The following ESPNL variants were observed in gnomAD, a reference collection of about 807,000 sequenced individuals.
ESPNL encodes espin like.
Under a neutral mutation model 46.8 loss-of-function variants are expected in ESPNL, and 49 were observed. That is an observed-to-expected ratio of 1.05 (90% CI 0.83 to 1.33). ESPNL has a LOEUF of 1.33. Among genes scored for constraint, ESPNL ranks in the 40% most tolerant of loss-of-function variants. The pLI is 0.00. For synonymous variants in ESPNL, 664 were observed against 662.1 expected (o/e 1.00, Z -0.04); for missense variants, 1,540 against 1,436.6 (o/e 1.07, Z -1.16).
chr2:238,118,100 T>G (rs1691856814), intron 5 of ESPNL, among the ~76,000 whole-genome samples: 1 of 80,842 alleles, frequency 1.2e-5, no homozygotes, highest in Non-Finnish European at 2.4e-5. Context: ...GGAGGGTGGA[T>G]GGAGGAGTTG....
At chr2:238,120,594 G>A (rs1013402805) in intron 5 of ESPNL, among the ~76,000 whole-genome samples, 4 of 152,262 alleles carry the variant, frequency 2.6e-5, no homozygotes, top group Non-Finnish European at 4.4e-5. Flanking sequence ...CCCCCTGCCC[G>A]GCGCATGAAA....
At chr2:238,119,368 C>T (rs1312677390) in intron 5 of ESPNL, among the ~76,000 whole-genome samples, 4 of 66,800 alleles carry the variant, frequency 6.0e-5, no homozygotes, top group Non-Finnish European at 1.1e-4. Context: ...GGATGAAGGA[C>T]GTGGATGAAG....
chr2:238,126,768 CTG>C (rs1010304024), intron 6 of ESPNL, among the ~76,000 whole-genome samples: 4 of 147,456 alleles, frequency 2.7e-5, no homozygotes, highest in African/African-American at 7.6e-5. Flanking sequence ...GTCTGTGTAT[CTG>C]TGTGTGATTC....
intron 4 of ESPNL, 75 bp downstream of exon 4, chr2:238,108,048 C>T: frequency 7.3e-7 from 1 of 1,368,176 alleles, no homozygotes; most frequent in Non-Finnish European, 1.0e-6. Flanking sequence ...CACTGACCCT[C>T]ACAGCAACCC....
intron 5 of ESPNL, among the ~76,000 whole-genome samples, chr2:238,118,692 G>A (rs1166171822): frequency 7.0e-6 from 1 of 143,664 alleles, no homozygotes; most frequent in African/African-American, 2.6e-5. Flanking sequence ...GATGGAGGAG[G>A]GTGGATAGAG....
In ESPNL at chr2:238,127,328, G is replaced by C. The variant is rs557273579; in HGVS notation, c.1103-294G>C. On this transcript the variant is annotated intron_variant, in intron 6 of 8. Coordinates refer to ENST00000343063, the MANE Select transcript of ESPNL (RefSeq NM_194312.4). ...CTTTGGGGCCTGCAGAGCTGCGTTA[G>C]GGGCGGCCTCAAGCCCTTCCCAGCT... 1.7e-5 allele frequency: 21 copies of C among 1,219,894 alleles called. No homozygotes were observed. In the East Asian group the frequency reaches 7.6e-4, roughly 44 times the overall value. The allele number at this position is 1,219,894 out of a possible 1,614,324, so 75.6% of individuals were successfully genotyped here.
At chr2:238,106,066 C>G (rs1691591263) in intron 3 of ESPNL, among the ~76,000 whole-genome samples, 1 of 152,238 alleles carries the variant, frequency 6.6e-6, no homozygotes, top group Non-Finnish European at 1.5e-5. Context: ...GCTTTCCTCC[C>G]CACCGGCGCA....
In ESPNL at chr2:238,119,470, A is replaced by AAGGAGT; in HGVS notation, c.987+2436_987+2437insAGGAGT. On this transcript the variant is annotated intron_variant, in intron 5 of 8. Coordinates refer to ENST00000343063, the MANE Select transcript of ESPNL (RefSeq NM_194312.4). ...GGAGAGGAGGTTAGATGAAGGAGGA[A>AAGGAGT]TGGATGGAGGAGGTGGATGGAGGAG... 2.6e-5 allele frequency among the ~76,000 whole-genome samples: 2 copies of AAGGAGT among 76,740 alleles called. 1 individual carries two copies. The highest frequency in any genetic ancestry group is 1.2e-4 in the African/African-American group (2 of 17,342). 50.3% of individuals were successfully genotyped at this position (76,740 alleles called of 152,430 possible).
At chr2:238,120,720 C>T (rs1867890) in intron 5 of ESPNL, among the ~76,000 whole-genome samples, 40,591 of 152,184 alleles carry the variant, frequency 0.27, 6,036 homozygotes, top group African/African-American at 0.4. Context: ...GGTCTGGTGA[C>T]GGCAGGGGGT....
At chr2:238,111,839 G>A (rs1199069115) in intron 4 of ESPNL, among the ~76,000 whole-genome samples, 2 of 152,118 alleles carry the variant, frequency 1.3e-5, no homozygotes, top group East Asian at 3.9e-4. Context: ...ACTTTAAAAT[G>A]TTACACCAAC....
intron 6 of ESPNL, among the ~76,000 whole-genome samples, chr2:238,127,095 TCTG>T (rs1692153067): frequency 1.0e-5 from 1 of 98,000 alleles, no homozygotes; most frequent in African/African-American, 6.3e-5. Context: ...TATGATTGTG[TCTG>T]TGTCTGTATG....
rs1691831227 is a variant in ESPNL, at chr2:238,116,990, G to A, written c.943G>A (p.Gly315Arg). 1.2e-6 allele frequency: 2 copies of A among 1,612,412 alleles called. No homozygotes were observed. The highest frequency in any genetic ancestry group is 8.5e-7 in the Non-Finnish European group (1 of 1,179,712). ...YTAADLAEYH[G>R]HRDCAQYLRE... Reference sequence around the variant, plus strand: ...GGCGGCAGACCTGGCGGAGTACCATGGACACCGGGACTGCGCCCAGTACCT... The same window carrying A: ...GGCGGCAGACCTGGCGGAGTACCATAGACACCGGGACTGCGCCCAGTACCT... Residue 315 changes from glycine (G) to arginine (R), a missense_variant, in exon 5 of 9, where the codon GGA (glycine) becomes AGA (arginine). Coordinates refer to ENST00000343063, the MANE Select transcript of ESPNL (RefSeq NM_194312.4).
intron 6 of ESPNL, among the ~76,000 whole-genome samples, chr2:238,126,316 G>C (rs1328432878): frequency 6.6e-6 from 1 of 151,386 alleles, no homozygotes; most frequent in Non-Finnish European, 1.5e-5. Flanking sequence ...GTATCTGTGT[G>C]TGATTGTGTC....
At position 238,133,133 on chromosome 2, in the gene ESPNL, G is replaced by C. The variant is rs1041086711; in HGVS notation, c.*1401G>C. On this transcript the variant is annotated 3_prime_UTR_variant, in exon 9 of 9. Coordinates refer to ENST00000343063, the MANE Select transcript of ESPNL (RefSeq NM_194312.4). ...CATTGGGGCAGGCAGGGCCGGGAAG[G>C]GAAGTAGCACCGGCCGCAGCCCCAA... The C allele has an allele frequency of 2.6e-5, 4 of 152,230 alleles. No individual in the cohort carries two copies. Among genetic ancestry groups the C allele is most frequent in the African/African-American group, 9.6e-5 (4 of 41,454 alleles). The allele number at this position is 152,230 out of a possible 1,614,324, so 9.4% of individuals were successfully genotyped here.
Position 238,131,980 on chromosome 2 carries a change from C to A in ESPNL, c.*248C>A. On this transcript the variant is annotated 3_prime_UTR_variant, in exon 9 of 9. Coordinates refer to ENST00000343063, the MANE Select transcript of ESPNL (RefSeq NM_194312.4). ...GTCCTGAAGTGAGGCAATGGGCCACCCCAGTCCAGGGCACCTCTGCCCAGC... is the reference window on the plus strand; with the variant it reads ...GTCCTGAAGTGAGGCAATGGGCCACACCAGTCCAGGGCACCTCTGCCCAGC... 1 of 447,218 alleles carries A rather than the reference C, an allele frequency of 2.2e-6. No homozygotes were observed. The allele number at this position is 447,218 out of a possible 1,614,324, so 27.7% of individuals were successfully genotyped here.
In ESPNL at chr2:238,114,165, A is replaced by G. The variant is rs1341362727; in HGVS notation, c.856-2738A>G. On this transcript the variant is annotated intron_variant, in intron 4 of 8. Transcript: ENST00000343063. The surrounding 1 kb of genome is among the most constrained non-coding windows in gnomAD (Gnocchi z 5.0). ...TCCAGACAGAGTTCTGTCTGTCACT[A>G]CCCACCCTCTGCTGACAATCCCAGC... Among the ~76,000 whole-genome samples the G allele has an allele frequency of 6.6e-6, 1 of 151,586 alleles. No homozygotes were observed. Among genetic ancestry groups the G allele is most frequent in the Non-Finnish European group, 1.5e-5 (1 of 67,904 alleles).
chr2:238,102,239 T>G, intron 2 of ESPNL, 108 bp downstream of exon 2: 2 of 987,382 alleles, frequency 2.0e-6, no homozygotes, highest in Non-Finnish European at 2.9e-6. Context: ...TTGAGGTGAA[T>G]CCTGCAGGCG....
At chr2:238,108,945 G>A (rs549761408) in intron 4 of ESPNL, among the ~76,000 whole-genome samples, 11 of 152,180 alleles carry the variant, frequency 7.2e-5, no homozygotes, top group East Asian at 5.8e-4. Context: ...CCCCCCTCCC[G>A]GCAGCGCTGC....
rs1692080267 is a variant in ESPNL, at chr2:238,125,318, C to T, written c.1036C>T (p.Leu346=). The change falls in exon 6 of 9, where the codon CTG becomes TTG. Residue 346 remains leucine (L), a synonymous_variant. Coordinates refer to ENST00000343063, the MANE Select transcript of ESPNL (RefSeq NM_194312.4). ...PPPPPFPPPP[L]LATRRSLEDG... ...ACCACCACCGTTCCCCCCACCTCCA[C>T]TGTTGGCCACGAGGCGCTCCCTGGA... is the stretch of plus-strand genomic sequence containing the variant. 2 of 1,571,844 alleles carry T rather than the reference C, an allele frequency of 1.3e-6. No homozygotes were observed. The highest frequency in any genetic ancestry group is 2.4e-5 in the South Asian group (2 of 84,750).
Sources: allele counts gnomAD v4.1 joint callset (sites outside exome capture counted in the v4.1 genomes callset), GRCh38; gene constraint gnomAD v4.1.1; non-coding constraint Gnocchi (gnomAD v3.1); transcripts MANE v1.5; gene names NCBI Gene and HGNC (gene_info 2026-07-23, HGNC 2026-07-21).